Variants in RER1 observed in about 807,000 individuals in gnomAD.
RER1 encodes the protein retention in endoplasmic reticulum sorting receptor 1, also known as protein RER1.
Under a neutral mutation model 28.3 loss-of-function variants are expected in RER1, and 6 were observed. The observed-to-expected ratio is 0.21, with a 90% CI of 0.12 to 0.42. The LOEUF is 0.42. Among genes scored for constraint, RER1 ranks in the 10% least tolerant of loss-of-function variants. RER1 has a pLI of 1.00. For missense variants in RER1, 159 were observed against 252.9 expected (o/e 0.63, Z 2.52); for synonymous variants, 110 against 95.9 (o/e 1.15, Z -0.86).
At chr1:2,393,941 T>C (rs968997082) in intron 1 of RER1, 5 of 152,176 alleles carry the variant, frequency 3.3e-5, no homozygotes, top group African/African-American at 1.2e-4. Flanking sequence ...AGAACACCCT[T>C]TGGCGGGAGA....
Position 2,395,611 on chromosome 1 carries a change from A to T in RER1, c.-7-173A>T, listed in dbSNP as rs1570075422. Reference sequence around the variant, plus strand: ...TCACGCTGCCCTTCCTCTCCAGGGAAGCCTGTGTACCTGCTACTTTTTCCC... The same window carrying T: ...TCACGCTGCCCTTCCTCTCCAGGGATGCCTGTGTACCTGCTACTTTTTCCC... On this transcript the variant is annotated intron_variant, in intron 1 of 6. Coordinates refer to ENST00000605895, the MANE Select transcript of RER1 (RefSeq NM_007033.5). 1.2e-5 allele frequency: 7 copies of T among 600,900 alleles called. No individual in the cohort carries two copies. The East Asian group carries it at 2.0e-4, about 17-fold the overall frequency. 37.2% of individuals were successfully genotyped at this position (600,900 alleles called of 1,614,324 possible). A position where few individuals can be genotyped will look rare whatever the true frequency, so the allele number is the denominator to read the frequency against.
chr1:2,400,513 G>A (rs1313406130), intron 4 of RER1, among the ~76,000 whole-genome samples: 4 of 152,224 alleles, frequency 2.6e-5, no homozygotes, highest in Non-Finnish European at 5.9e-5. Flanking sequence ...CCTCGGCCCC[G>A]CCCTGTTCTC....
chr1:2,395,362 T>G, intron 1 of RER1: 1 of 230,752 alleles, frequency 4.3e-6, no homozygotes, highest in Non-Finnish European at 8.7e-6. Flanking sequence ...GGACAGGGCG[T>G]GGAGCAGACA....
At position 2,400,885 on chromosome 1, in the gene RER1, G is replaced by T. The variant is rs1041076389; in HGVS notation, c.315G>T (p.Gln105His). 6.2e-7 allele frequency: 1 copy of T among 1,614,102 alleles called. No individual in the cohort carries two copies. The highest frequency in any genetic ancestry group is 8.5e-7 in the Non-Finnish European group (1 of 1,180,004). Residue 105 changes from glutamine to histidine, a missense_variant, in exon 5 of 7, where the codon CAG (glutamine) becomes CAT (histidine). Transcript: ENST00000605895. ...SDDGPSLPTK[Q>H]NEEFRPFIRR... Reference sequence around the variant, plus strand: ...ACGGTCCTTCGCTACCCACCAAACAGAACGAGGAATTCCGCCCCTTCATTC... The same window carrying T: ...ACGGTCCTTCGCTACCCACCAAACATAACGAGGAATTCCGCCCCTTCATTC...
intron 3 of RER1, 41 bp from the exon 4 acceptor site, chr1:2,399,374 C>A: frequency 7.4e-7 from 1 of 1,345,638 alleles, no homozygotes; most frequent in Non-Finnish European, 1.1e-6. Flanking sequence ...GGCTGATGGA[C>A]GGTCAGAGTG....
chr1:2,400,959 T>G, intron 5 of RER1, 24 bp downstream of exon 5: 4 of 1,581,382 alleles, frequency 2.5e-6, no homozygotes, highest in Non-Finnish European at 3.5e-6. Flanking sequence ...TCACGGTATT[T>G]GAAGAGAATT....
intron 3 of RER1, among the ~76,000 whole-genome samples, chr1:2,398,469 A>C (rs1204611490): frequency 6.6e-6 from 1 of 152,158 alleles, no homozygotes; most frequent in Admixed American, 6.5e-5. Context: ...GCTCACTGCA[A>C]CCTCCACCTC....
At position 2,403,471 on chromosome 1, in the gene RER1, G is replaced by C. The variant is rs950746970; in HGVS notation, c.*347G>C. 6.5e-6 allele frequency: 2 copies of C among 308,306 alleles called. No individual in the cohort carries two copies. Among genetic ancestry groups the C allele is most frequent in the African/African-American group, 4.5e-5 (2 of 44,822 alleles). The allele number at this position is 308,306 out of a possible 1,614,324, so 19.1% of individuals were successfully genotyped here. Reference sequence around the variant, plus strand: ...GGAGCAAGGCCTGCGAGGGAGGAACGGGCCGCTCCCCGCCAGCCGCCTTCC... The same window carrying C: ...GGAGCAAGGCCTGCGAGGGAGGAACCGGCCGCTCCCCGCCAGCCGCCTTCC... On this transcript the variant is annotated 3_prime_UTR_variant, in exon 7 of 7. Transcript: ENST00000605895.
intron 1 of RER1, chr1:2,395,479 G>GCCAGTGGACCCCATGGCCAA (rs1642756040): frequency 2.6e-6 from 1 of 377,854 alleles, no homozygotes; most frequent in African/African-American, 2.1e-5. Context: ...CCCATGGCCA[G>GCCAGTGGACCCCATGGCCAA]CAAGGCTGCT....
chr1:2,395,445 C>T (rs1447713424), intron 1 of RER1: 6 of 334,084 alleles, frequency 1.8e-5, no homozygotes, highest in Middle Eastern at 9.9e-4. Flanking sequence ...TGCAGTGCCA[C>T]GTGCCATGGA....
rs1170823871 is a variant in RER1 at position 2,403,209 on chromosome 1, T to C, written c.*85T>C. 1 of 1,029,736 alleles carries C rather than the reference T, an allele frequency of 9.7e-7. No homozygotes were observed. Among genetic ancestry groups the C allele is most frequent in the Non-Finnish European group, 1.5e-6 (1 of 660,850 alleles). 63.8% of individuals were successfully genotyped at this position (1,029,736 alleles called of 1,614,324 possible). A position where few individuals can be genotyped will look rare whatever the true frequency, so the allele number is the denominator to read the frequency against. On this transcript the variant is annotated 3_prime_UTR_variant, in exon 7 of 7. Coordinates refer to ENST00000605895, the MANE Select transcript of RER1 (RefSeq NM_007033.5). ...GCCTTTTTTCTTCACATAAAGTAGTTGATTACGAGGGAGTCAAATTTTCTT... is the reference window on the plus strand; with the variant it reads ...GCCTTTTTTCTTCACATAAAGTAGTCGATTACGAGGGAGTCAAATTTTCTT...
intron 3 of RER1, 113 bp from the exon 4 acceptor site, chr1:2,399,302 A>G (rs1386413332): frequency 4.0e-6 from 3 of 751,362 alleles, no homozygotes; most frequent in African/African-American, 1.7e-5. Context: ...TTTGTGTTAA[A>G]ACAAAGTTAG....
chr1:2,396,009 C>T lies in RER1; in HGVS notation c.81+138C>T, dbSNP rs563369717. 17 of 707,898 alleles carry T rather than the reference C, an allele frequency of 2.4e-5. No homozygotes were observed. In the African/African-American group the frequency reaches 2.6e-4, roughly 11 times the overall value. The allele number at this position is 707,898 out of a possible 1,614,324, so 43.9% of individuals were successfully genotyped here. A position where few individuals can be genotyped will look rare whatever the true frequency, so the allele number is the denominator to read the frequency against. Reference sequence around the variant, plus strand: ...TCAGGCTCAAACTTCCTGAAGACAGCGTTCTCTTCACTGTGAAGGGCCAGC... The same window carrying T: ...TCAGGCTCAAACTTCCTGAAGACAGTGTTCTCTTCACTGTGAAGGGCCAGC... On this transcript the variant is annotated intron_variant, in intron 2 of 6. Coordinates refer to ENST00000605895, the MANE Select transcript of RER1 (RefSeq NM_007033.5).
At chr1:2,398,235 C>G (rs1343890487) in intron 3 of RER1, among the ~76,000 whole-genome samples, 1 of 152,076 alleles carries the variant, frequency 6.6e-6, no homozygotes, top group African/African-American at 2.4e-5. Flanking sequence ...CGAGGATGGA[C>G]ACACAGACAT....
At position 2,400,888 on chromosome 1, in the gene RER1, C is replaced by T. The variant is rs377673649; in HGVS notation, c.318C>T (p.Asn106=). 62 of 1,613,962 alleles carry T rather than the reference C, an allele frequency of 3.8e-5. No homozygotes were observed. Among genetic ancestry groups the T allele is most frequent in the Non-Finnish European group, 4.9e-5 (58 of 1,179,982 alleles). ...DDGPSLPTKQ[N]EEFRPFIRRL... ...GTCCTTCGCTACCCACCAAACAGAACGAGGAATTCCGCCCCTTCATTCGAA... is the reference window on the plus strand; with the variant it reads ...GTCCTTCGCTACCCACCAAACAGAATGAGGAATTCCGCCCCTTCATTCGAA... The change falls in exon 5 of 7, where the codon AAC becomes AAT. Residue 106 remains asparagine, a synonymous_variant. Transcript: ENST00000605895.
chr1:2,395,670 G>A (rs1642759006), intron 1 of RER1, 114 bp from the exon 2 acceptor site: 2 of 771,386 alleles, frequency 2.6e-6, no homozygotes, highest in Non-Finnish European at 4.5e-6. Flanking sequence ...AATGGTATAT[G>A]GACAAAATAC....
In RER1 at chr1:2,395,856, C is replaced by T. The variant is rs1350615116; in HGVS notation, c.66C>T (p.Phe22=). 1.2e-6 allele frequency: 2 copies of T among 1,613,748 alleles called. No homozygotes were observed. The highest frequency in any genetic ancestry group is 2.2e-5 in the South Asian group (2 of 91,078). ...AACCTTCGGTGGTGTACAGATTTTT[C>T]ACAAGACTTGGACAGGTTGGTGGGT... ...HGKPSVVYRF[F]TRLGQIYQSW... Residue 22 remains phenylalanine (F), a synonymous_variant, in exon 2 of 7, where the codon TTC becomes TTT. Coordinates refer to ENST00000605895, the MANE Select transcript of RER1 (RefSeq NM_007033.5).
In RER1 at chr1:2,395,881, T is replaced by C. The variant is rs1222002157; in HGVS notation, c.81+10T>C. 4 of 1,600,124 alleles carry C rather than the reference T, an allele frequency of 2.5e-6. No individual in the cohort carries two copies. In the East Asian group the frequency reaches 6.7e-5, roughly 27 times the overall value. ...CACAAGACTTGGACAGGTTGGTGGGTTTTTTAGTAGATGAGTATAAATATT... is the reference window on the plus strand; with the variant it reads ...CACAAGACTTGGACAGGTTGGTGGGCTTTTTAGTAGATGAGTATAAATATT... On this transcript the variant is annotated intron_variant, in intron 2 of 6. Transcript: ENST00000605895.
At chr1:2,395,582 C>T (rs887598650) in intron 1 of RER1, 63 of 564,902 alleles carry the variant, frequency 1.1e-4, no homozygotes, top group African/African-American at 8.5e-4. Context: ...TGGGCCCATG[C>T]GTCTCACGCT....
Sources: allele counts gnomAD v4.1 joint callset (sites outside exome capture counted in the v4.1 genomes callset), GRCh38; gene constraint gnomAD v4.1.1; transcripts MANE v1.5; gene names NCBI Gene and HGNC (gene_info 2026-07-23, HGNC 2026-07-21).